Variants in PCDHA10 observed in about 807,000 individuals in gnomAD.
The protein encoded by PCDHA10 is protocadherin alpha-10.
Under a neutral mutation model 61.2 loss-of-function variants are expected in PCDHA10, and 45 were observed. That is an observed-to-expected ratio of 0.74 (90% CI 0.58 to 0.94). The LOEUF (loss-of-function observed/expected upper bound fraction) is 0.94. Ranked by LOEUF, PCDHA10 falls within the 40% of genes least tolerant of loss-of-function variation. The pLI, the probability that PCDHA10 is intolerant of heterozygous loss-of-function variation, is 0.00. For missense variants in PCDHA10, 1,278 were observed against 1,236.2 expected (o/e 1.03, Z -0.51); for synonymous variants, 602 against 548.8 (o/e 1.10, Z -1.35).
chr5:140,929,330 G>T, intron 1 of PCDHA10: 1 of 1,535,218 alleles, frequency 6.5e-7, no homozygotes. Context: ...GCCATGGTAA[G>T]CAAATTTTAT....
chr5:140,946,634 A>ATATATATAT (rs1554217761), intron 1 of PCDHA10, among the ~76,000 whole-genome samples: 5 of 147,332 alleles, frequency 3.4e-5, no homozygotes, highest in African/African-American at 7.7e-5. Flanking sequence ...ATATATATAC[A>ATATATATAT]ATGGAATACT....
rs782120132 is a variant in PCDHA10, at chr5:140,884,464, C to T, written c.2388+26028C>T. On this transcript the variant is annotated intron_variant, in intron 1 of 3. Coordinates refer to ENST00000307360, the MANE Select transcript of PCDHA10 (RefSeq NM_018901.4). ...CGGCACCGCCCACCGAGGGCGCGTG[C>T]GCGCCGGGCAAGCCCACTCTAGTGT... 51 of 1,613,768 alleles carry T rather than the reference C, an allele frequency of 3.2e-5. 1 individual carries two copies. In the East Asian group the frequency reaches 9.6e-4, roughly 30 times the overall value.
chr5:140,968,489 C>T (rs1024952304), intron 1 of PCDHA10: 30 of 1,614,008 alleles, frequency 1.9e-5, no homozygotes, highest in Non-Finnish European at 2.5e-5. Context: ...CATGAATGAC[C>T]ATGCCCCTCA....
intron 1 of PCDHA10, among the ~76,000 whole-genome samples, chr5:140,978,440 T>G (rs1238163577): frequency 2.0e-5 from 3 of 152,244 alleles, no homozygotes; most frequent in African/African-American, 7.2e-5. Context: ...GCTGGTGTTA[T>G]GACTGGGCAC....
chr5:140,857,727 A>C lies in PCDHA10; in HGVS notation c.1679A>C (p.Asn560Thr). 1 of 1,597,294 alleles carries C rather than the reference A, an allele frequency of 6.3e-7. No individual in the cohort carries two copies. The highest frequency in any genetic ancestry group is 1.1e-5 in the South Asian group (1 of 90,494). Residue 560 changes from asparagine to threonine, a missense_variant, in exon 1 of 4, where the codon AAC becomes ACC. Coordinates refer to ENST00000307360, the MANE Select transcript of PCDHA10 (RefSeq NM_018901.4). ...GTGTTCGTGCTGGACGAGAACGACA[A>C]CGCTCCCGCGCTGCTGGCGTCTCCC... Reference protein sequence around the residue: ...LQVFVLDENDNAPALLASPAG... With the variant: ...LQVFVLDENDTAPALLASPAG...
intron 1 of PCDHA10, among the ~76,000 whole-genome samples, chr5:140,895,416 C>A (rs2065002617): frequency 6.6e-6 from 1 of 152,168 alleles, no homozygotes; most frequent in South Asian, 2.1e-4. Context: ...CCATAACCTT[C>A]TTTTGCTTCC....
intron 1 of PCDHA10, chr5:140,869,236 G>C (rs781873875): frequency 1.2e-6 from 2 of 1,613,674 alleles, no homozygotes; most frequent in South Asian, 2.2e-5. Flanking sequence ...CGGCACCTTC[G>C]TGGGCCGCAT....
chr5:141,002,234 C>G (rs2098067276), intron 3 of PCDHA10, among the ~76,000 whole-genome samples: 1 of 152,210 alleles, frequency 6.6e-6, no homozygotes, highest in Non-Finnish European at 1.5e-5. Context: ...TTTCTGGAAG[C>G]TCTTTATTAA....
intron 3 of PCDHA10, among the ~76,000 whole-genome samples, chr5:140,985,608 G>T (rs76669319): frequency 6.6e-6 from 1 of 152,052 alleles, no homozygotes; most frequent in Non-Finnish European, 1.5e-5. Context: ...AGCCCTTTCC[G>T]TGAACCAGCT....
chr5:140,929,020 A>C (rs1183262810), intron 1 of PCDHA10: 6 of 1,614,070 alleles, frequency 3.7e-6, no homozygotes, highest in Non-Finnish European at 5.1e-6. Flanking sequence ...GTTGCACCAG[A>C]GCCCAGGCTG....
intron 3 of PCDHA10, among the ~76,000 whole-genome samples, chr5:140,994,117 G>A (rs889813029): frequency 2.6e-5 from 4 of 152,198 alleles, no homozygotes; most frequent in Admixed American, 6.5e-5. Flanking sequence ...ATTGTCATGT[G>A]ATAAGGGCGA....
rs782426631 is a variant in PCDHA10, at chr5:140,982,476, T to G, written c.2449T>G (p.Ser817Ala). The change falls in exon 3 of 4, where the codon TCT becomes GCT. Residue 817 changes from serine to alanine, a missense_variant and splice_region_variant. By Grantham distance (99) the Ser-to-Ala change is moderately conservative (BLOSUM62 1). Coordinates refer to ENST00000307360, the MANE Select transcript of PCDHA10 (RefSeq NM_018901.4). The part of the protein sequence containing the change: ...SASLRAGMHS[S>A]VHLEEAGILR... Reference sequence around the variant, plus strand: ...ATCTGGGTCTGTGTGTTTATTCAGCTCTGTGCACCTAGAGGAGGCTGGCAT... The same window carrying G: ...ATCTGGGTCTGTGTGTTTATTCAGCGCTGTGCACCTAGAGGAGGCTGGCAT... 9.3e-6 allele frequency: 15 copies of G among 1,614,064 alleles called. No individual in the cohort carries two copies. The African/African-American group carries it at 2.0e-4, about 22-fold the overall frequency.
intron 1 of PCDHA10, among the ~76,000 whole-genome samples, chr5:140,891,030 T>G (rs1583035754): frequency 6.6e-6 from 1 of 151,856 alleles, no homozygotes; most frequent in Non-Finnish European, 1.5e-5. Context: ...GGGTATAATC[T>G]TAGGTGTGAC....
At chr5:140,933,253 A>G (rs958671776) in intron 1 of PCDHA10, among the ~76,000 whole-genome samples, 2 of 152,008 alleles carry the variant, frequency 1.3e-5, no homozygotes, top group Non-Finnish European at 2.9e-5. Context: ...TATAAACACA[A>G]AAGGTTATTA....
chr5:140,877,155 C>G (rs782559744), intron 1 of PCDHA10: 21 of 1,613,680 alleles, frequency 1.3e-5, no homozygotes, highest in Non-Finnish European at 1.8e-5. Flanking sequence ...AGAACGACAA[C>G]GCGCCGGCAC....
rs372428918 is a variant in PCDHA10, at chr5:140,857,407, G to C, written c.1359G>C (p.Ala453=). 1 of 1,598,496 alleles carries C rather than the reference G, an allele frequency of 6.3e-7. No individual in the cohort carries two copies. Among genetic ancestry groups the C allele is most frequent in the Admixed American group, 1.7e-5 (1 of 59,346 alleles). The change falls in exon 1 of 4, where the codon GCG becomes GCC. Residue 453 remains alanine (A), a synonymous_variant. Coordinates refer to ENST00000307360, the MANE Select transcript of PCDHA10 (RefSeq NM_018901.4). ...EVADVNDNAP[A]FAQSEYTVFV... Reference sequence around the variant, plus strand: ...CCGACGTGAACGACAACGCGCCTGCGTTCGCGCAGTCCGAGTACACGGTGT... The same window carrying C: ...CCGACGTGAACGACAACGCGCCTGCCTTCGCGCAGTCCGAGTACACGGTGT...
At chr5:140,871,057 G>A (rs1554165044) in intron 1 of PCDHA10, 7 of 1,613,300 alleles carry the variant, frequency 4.3e-6, no homozygotes, top group Non-Finnish European at 5.9e-6. Flanking sequence ...ACTGGTGAAG[G>A]ATCACGGTGA....
At chr5:140,967,921 C>G (rs781932025) in intron 1 of PCDHA10, 1 of 1,614,172 alleles carries the variant, frequency 6.2e-7, no homozygotes, top group East Asian at 2.2e-5. Flanking sequence ...CCATTGTGGC[C>G]GTTCTCAGTG....
At chr5:140,993,510 G>A (rs144120217) in intron 3 of PCDHA10, among the ~76,000 whole-genome samples, 7 of 129,138 alleles carry the variant, frequency 5.4e-5, no homozygotes, top group African/African-American at 1.4e-4. Context: ...ACACACACAC[G>A]GGGAGAGAGA....
Sources: allele counts gnomAD v4.1 joint callset (sites outside exome capture counted in the v4.1 genomes callset), GRCh38; gene constraint gnomAD v4.1.1; transcripts MANE v1.5; gene names NCBI Gene and HGNC (gene_info 2026-07-23, HGNC 2026-07-21).